ARHGAP22: variants seen among roughly 807,000 people sequenced by gnomAD.
ARHGAP22 encodes the protein rho GTPase-activating protein 22.
A neutral mutation model predicts 59.1 loss-of-function variants in ARHGAP22; 48 were observed. The observed-to-expected ratio is 0.81, with a 90% CI of 0.64 to 1.03. The LOEUF (loss-of-function observed/expected upper bound fraction) is 1.03. ARHGAP22 is among the 50% of genes least tolerant of loss of function. The pLI is 0.00. For missense variants in ARHGAP22, 1,015 were observed against 958.7 expected (o/e 1.06, Z -0.78); for synonymous variants, 445 against 416.4 (o/e 1.07, Z -0.84).
Position 48,453,361 on chromosome 10 carries a change from C to T in ARHGAP22, c.931G>A (p.Val311Ile), listed in dbSNP as rs144924707. The T allele has an allele frequency of 1.9e-5, 31 of 1,613,964 alleles. No homozygotes were observed. The highest frequency in any genetic ancestry group is 1.6e-4 in the Middle Eastern group (1 of 6,082). The change falls in exon 8 of 10, where the codon GTT (valine) becomes ATT (isoleucine). Residue 311 changes from valine to isoleucine, a missense_variant. Transcript: ENST00000249601. ...GGCCGCAGAATGTTAGGTCCAAAAACGGTTGCCAGATTCTGGACACTCATC... is the reference window on the plus strand; with the variant it reads ...GGCCGCAGAATGTTAGGTCCAAAAATGGTTGCCAGATTCTGGACACTCATC... Reference protein sequence around the residue: ...NKMSVQNLATVFGPNILRPQV... With the variant: ...NKMSVQNLATIFGPNILRPQV...
intron 1 of ARHGAP22, among the ~76,000 whole-genome samples, chr10:48,648,446 G>T (rs2062405513): frequency 6.6e-6 from 1 of 152,088 alleles, no homozygotes; most frequent in Non-Finnish European, 1.5e-5. Flanking sequence ...GGATTTAACT[G>T]CTGACGTGAG....
At chr10:48,457,305 C>T (rs535081261) in intron 5 of ARHGAP22, among the ~76,000 whole-genome samples, 16 of 152,306 alleles carry the variant, frequency 1.1e-4, no homozygotes, top group Admixed American at 2.6e-4. Context: ...CCAGCCGGGC[C>T]GCCTGCTTCA....
chr10:48,440,104 T>C, the ARHGAP22 span, among the ~76,000 whole-genome samples: 7 of 145,324 alleles, frequency 4.8e-5, no homozygotes, highest in African/African-American at 1.8e-4. Context: ...GAATAATTCA[T>C]CCTCGTTAAT....
At chr10:48,524,003 C>A in intron 3 of ARHGAP22, 1 of 1,435,230 alleles carries the variant, frequency 7.0e-7, no homozygotes, top group Non-Finnish European at 9.1e-7. Context: ...GGGCTGGCAG[C>A]CTCTGGCGGC....
At chr10:48,483,037 T>C (rs1347358079) in intron 3 of ARHGAP22, among the ~76,000 whole-genome samples, 1 of 152,138 alleles carries the variant, frequency 6.6e-6, no homozygotes, top group Non-Finnish European at 1.5e-5. Flanking sequence ...ATGCAATATT[T>C]GTTTTTCTAT....
chr10:48,650,372 C>T (rs1173606621), intron 1 of ARHGAP22, among the ~76,000 whole-genome samples: 1 of 151,980 alleles, frequency 6.6e-6, no homozygotes, highest in East Asian at 1.9e-4. Flanking sequence ...CATGACAAAT[C>T]CAGAGTTGGA....
rs1042604847 is a variant in ARHGAP22, at chr10:48,480,608, C to G, written c.323-844G>C. Among the ~76,000 whole-genome samples the G allele has an allele frequency of 2.0e-5, 3 of 152,172 alleles. No individual in the cohort carries two copies. The South Asian group carries it at 6.2e-4, about 32-fold the overall frequency. On this transcript the variant is annotated intron_variant, in intron 3 of 9. Coordinates refer to ENST00000249601, the MANE Select transcript of ARHGAP22 (RefSeq NM_021226.4). ...CCACGCTTTGCTGGAGCCTGTGACC[C>G]AGGGATGGAGAGCAGACAGGACCAG...
chr10:48,653,523 C>T (rs535312408), upstream of ARHGAP22, among the ~76,000 whole-genome samples: 11 of 152,336 alleles, frequency 7.2e-5, no homozygotes, highest in Middle Eastern at 3.4e-3. Flanking sequence ...GCACAGAGAA[C>T]GGGGCCAAAC....
At chr10:48,538,215 T>A (rs917422479) in intron 3 of ARHGAP22, among the ~76,000 whole-genome samples, 1 of 152,086 alleles carries the variant, frequency 6.6e-6, no homozygotes, top group Non-Finnish European at 1.5e-5. Flanking sequence ...TGTAGACCCA[T>A]CCCCCAGCTT....
rs1457599069 is a variant in ARHGAP22 at position 48,485,768 on chromosome 10, T to C, written c.323-6004A>G. On this transcript the variant is annotated intron_variant, in intron 3 of 9. Transcript: ENST00000249601. ...ATGACCTTATTTATCCCTAGTCATA[T>C]TTTTTACTCTGGTCTGAAATCCTTG... Among the ~76,000 whole-genome samples the C allele has an allele frequency of 2.0e-5, 3 of 152,326 alleles. No homozygotes were observed. The East Asian group carries it at 5.8e-4, about 29-fold the overall frequency.
At chr10:48,431,369 C>T in the ARHGAP22 span, 1 of 768,810 alleles carries the variant, frequency 1.3e-6, no homozygotes, top group South Asian at 1.8e-5. Context: ...TTTACAAAAT[C>T]ATTATTATTC....
At chr10:48,550,574 G>A (rs1247807648) in intron 3 of ARHGAP22, among the ~76,000 whole-genome samples, 1 of 152,156 alleles carries the variant, frequency 6.6e-6, no homozygotes, top group Non-Finnish European at 1.5e-5. Flanking sequence ...CTCCTAGCAT[G>A]GAAACAACTA....
At chr10:48,544,359 AC>A in intron 3 of ARHGAP22, among the ~76,000 whole-genome samples, 1 of 141,988 alleles carries the variant, frequency 7.0e-6, no homozygotes, top group South Asian at 2.3e-4. Context: ...TGAGGCTCCC[AC>A]CCCCTCCCCA....
At chr10:48,574,188 A>G (rs2058567969) in intron 2 of ARHGAP22, among the ~76,000 whole-genome samples, 1 of 152,224 alleles carries the variant, frequency 6.6e-6, no homozygotes, top group African/African-American at 2.4e-5. Flanking sequence ...GATCTAATAC[A>G]AATATGGGTC....
At chr10:48,544,564 T>A (rs1243910971) in intron 3 of ARHGAP22, among the ~76,000 whole-genome samples, 1 of 152,248 alleles carries the variant, frequency 6.6e-6, no homozygotes, top group African/African-American at 2.4e-5. Flanking sequence ...GAATTGTCAA[T>A]TTAATTTAAT....
chr10:48,642,596 G>T (rs1157698120), intron 1 of ARHGAP22, among the ~76,000 whole-genome samples: 2 of 150,772 alleles, frequency 1.3e-5, no homozygotes, highest in Non-Finnish European at 3.0e-5. Context: ...TTCAAGATGG[G>T]TTAAAGACTT....
Position 48,546,896 on chromosome 10 carries a change from C to T in ARHGAP22, c.322+8567G>A, listed in dbSNP as rs535061563. ...TACTATGAGCCAGGATCTGGGTTCT[C>T]AGTGAATCCTCACCACAACCCAAGG... On this transcript the variant is annotated intron_variant, in intron 3 of 9. Coordinates refer to ENST00000249601, the MANE Select transcript of ARHGAP22 (RefSeq NM_021226.4). 3.3e-5 allele frequency among the ~76,000 whole-genome samples: 5 copies of T among 152,288 alleles called. No homozygotes were observed. The South Asian group carries it at 1.0e-3, about 32-fold the overall frequency.
chr10:48,595,532 A>AT lies in ARHGAP22; in HGVS notation c.34+9230dup, dbSNP rs201669275. On this transcript the variant is annotated intron_variant, in intron 1 of 9. Transcript: ENST00000249601. ...TATATGTGTATAGTTTTATTTGTTTATTTTTTTTTGAGATAGAGTCTTGCT... is the reference window on the plus strand; with the variant it reads ...TATATGTGTATAGTTTTATTTGTTTATTTTTTTTTTGAGATAGAGTCTTGCT... Among the ~76,000 whole-genome samples, 530 of 151,078 alleles carry AT rather than the reference A, an allele frequency of 3.5e-3. 11 individuals carry two copies. The highest frequency in any genetic ancestry group is 0.025 in the Admixed American group (386 of 15,188).
chr10:48,460,297 A>C (rs1589495366), intron 4 of ARHGAP22, among the ~76,000 whole-genome samples: 1 of 152,332 alleles, frequency 6.6e-6, no homozygotes, highest in African/African-American at 2.4e-5. Context: ...CTTACCATGG[A>C]ACACAGTGCA....
Sources: gnomAD v4.1 joint callset for allele counts (sites outside exome capture counted in the v4.1 genomes callset) on GRCh38, gnomAD v4.1.1 for gene constraint, MANE v1.5 for transcripts, NCBI Gene and HGNC (gene_info 2026-07-23, HGNC 2026-07-21) for gene names.